The following CADM2 variants were observed in gnomAD, a reference collection of about 807,000 sequenced individuals.
The protein encoded by CADM2 is immunoglobulin superfamily member 4D.
Under a neutral mutation model 49.8 loss-of-function variants are expected in CADM2, and 12 were observed. The observed-to-expected ratio is 0.24, with a 90% CI of 0.15 to 0.39. The LOEUF is 0.39. Among genes scored for constraint, CADM2 ranks in the 10% least tolerant of loss-of-function variants. The pLI, the probability that CADM2 is intolerant of heterozygous loss-of-function variation, is 1.00. For missense variants in CADM2, 378 were observed against 492.3 expected (o/e 0.77, Z 2.20); for synonymous variants, 214 against 175.4 (o/e 1.22, Z -1.74).
At chr3:85,324,567 A>T (rs748800559) in intron 1 of CADM2, among the ~76,000 whole-genome samples, 2 of 152,196 alleles carry the variant, frequency 1.3e-5, no homozygotes, top group Non-Finnish European at 2.9e-5. Context: ...ATGTACATAT[A>T]TATTCTATAA....
chr3:85,587,350 G>A (rs998190473), intron 1 of CADM2, among the ~76,000 whole-genome samples: 1 of 152,054 alleles, frequency 6.6e-6, no homozygotes, highest in African/African-American at 2.4e-5. Context: ...AGTAATAGTA[G>A]GGTATATTCA....
At chr3:85,016,808 G>T (rs918258463) in intron 1 of CADM2, among the ~76,000 whole-genome samples, 2 of 150,988 alleles carry the variant, frequency 1.3e-5, no homozygotes, top group East Asian at 1.9e-4. Context: ...AAAATAAAAA[G>T]AAAAAGAAAA....
At chr3:85,493,379 A>G (rs916414875) in intron 1 of CADM2, among the ~76,000 whole-genome samples, 3 of 152,144 alleles carry the variant, frequency 2.0e-5, no homozygotes, top group African/African-American at 7.2e-5. Flanking sequence ...GTGTCCCGCT[A>G]AGATAATATG....
At chr3:85,456,833 CTT>C (rs35918238) in intron 1 of CADM2, among the ~76,000 whole-genome samples, 1,734 of 132,402 alleles carry the variant, frequency 0.013, 30 homozygotes, top group African/African-American at 0.044. Context: ...GTGTTTTTTT[CTT>C]TTTTTTTTTT....
intron 1 of CADM2, among the ~76,000 whole-genome samples, chr3:85,487,946 C>T (rs2039499197): frequency 6.6e-6 from 1 of 152,088 alleles, no homozygotes; most frequent in Non-Finnish European, 1.5e-5. Context: ...TAATTTCACA[C>T]CCCATTTTAC....
intron 3 of CADM2, among the ~76,000 whole-genome samples, chr3:85,880,165 G>A (rs1287329266): frequency 1.3e-5 from 2 of 152,058 alleles, no homozygotes; most frequent in Non-Finnish European, 2.9e-5. Context: ...TCTGGGTATC[G>A]CAATTAACAG....
At chr3:85,692,711 G>A (rs910405288) in intron 1 of CADM2, among the ~76,000 whole-genome samples, 2 of 151,976 alleles carry the variant, frequency 1.3e-5, no homozygotes, top group Non-Finnish European at 2.9e-5. Context: ...TTACTCCCTG[G>A]TTACTCATCA....
At chr3:85,192,367 A>G (rs1218186893) in intron 1 of CADM2, among the ~76,000 whole-genome samples, 2 of 152,010 alleles carry the variant, frequency 1.3e-5, no homozygotes, top group Non-Finnish European at 2.9e-5. Context: ...ACATTAAGAT[A>G]AAGACATATA....
At chr3:85,390,500 A>C (rs146315361) in intron 1 of CADM2, among the ~76,000 whole-genome samples, 1 of 152,166 alleles carries the variant, frequency 6.6e-6, no homozygotes, top group East Asian at 1.9e-4. Context: ...CTTGCTATGT[A>C]ACTCTCCTTC....
chr3:85,186,739 C>T (rs2041075376), intron 1 of CADM2, among the ~76,000 whole-genome samples: 1 of 151,654 alleles, frequency 6.6e-6, no homozygotes, highest in Non-Finnish European at 1.5e-5. Flanking sequence ...TACCATGAGC[C>T]CAGAGGGACA....
At chr3:85,641,879 C>T (rs1218134670) in intron 1 of CADM2, among the ~76,000 whole-genome samples, 1 of 151,728 alleles carries the variant, frequency 6.6e-6, no homozygotes, top group Admixed American at 6.6e-5. Context: ...TGCAGTGAGC[C>T]GAGGTCGCAC....
chr3:85,564,521 A>G (rs1199952468), intron 1 of CADM2, among the ~76,000 whole-genome samples: 2 of 152,184 alleles, frequency 1.3e-5, no homozygotes, highest in East Asian at 3.9e-4. Flanking sequence ...CCTGATTTTA[A>G]AGGCTAATAA....
At chr3:85,746,412 A>C (rs913391372) in intron 2 of CADM2, among the ~76,000 whole-genome samples, 1 of 152,178 alleles carries the variant, frequency 6.6e-6, no homozygotes, top group African/African-American at 2.4e-5. Context: ...AGAAGGAAAA[A>C]TATGGAGAAT....
At chr3:85,763,591 G>C (rs2069504111) in intron 2 of CADM2, among the ~76,000 whole-genome samples, 1 of 152,060 alleles carries the variant, frequency 6.6e-6, no homozygotes, top group Non-Finnish European at 1.5e-5. Context: ...CATTTAAGTG[G>C]GTTGGTGATG....
At chr3:85,590,601 A>G (rs1025271333) in intron 1 of CADM2, among the ~76,000 whole-genome samples, 1 of 152,120 alleles carries the variant, frequency 6.6e-6, no homozygotes, top group African/African-American at 2.4e-5. Context: ...GCGAGAATGA[A>G]TGTTTTTGAA....
intron 1 of CADM2, among the ~76,000 whole-genome samples, chr3:85,596,945 G>A (rs1338809040): frequency 6.6e-6 from 1 of 152,036 alleles, no homozygotes; most frequent in Non-Finnish European, 1.5e-5. Context: ...TCAAACTCCT[G>A]ACCTCAAGTA....
chr3:85,962,925 A>T (rs905052462), intron 8 of CADM2, among the ~76,000 whole-genome samples: 4 of 151,984 alleles, frequency 2.6e-5, no homozygotes, highest in Non-Finnish European at 4.4e-5. Flanking sequence ...GAATGCATTT[A>T]TGGAATACTA....
intron 3 of CADM2, among the ~76,000 whole-genome samples, chr3:85,878,781 T>C (rs1428036886): frequency 2.0e-5 from 3 of 152,128 alleles, no homozygotes; most frequent in African/African-American, 7.2e-5. Context: ...GGTGATGTTA[T>C]ATAGGTTCCA....
chr3:85,261,415 T>A (rs1159317264), intron 1 of CADM2, among the ~76,000 whole-genome samples: 1 of 152,192 alleles, frequency 6.6e-6, no homozygotes, highest in Non-Finnish European at 1.5e-5. Flanking sequence ...ATTACAGGTG[T>A]GAGCCACAGC....
Sources: allele counts gnomAD v4.1 joint callset (sites outside exome capture counted in the v4.1 genomes callset), GRCh38; gene constraint gnomAD v4.1.1; transcripts MANE v1.5; gene names NCBI Gene and HGNC (gene_info 2026-07-23, HGNC 2026-07-21).